The following CNTNAP2 variants were observed in gnomAD, a reference collection of about 807,000 sequenced individuals.
The protein encoded by CNTNAP2 is contactin-associated protein-like 2.
In CNTNAP2, 98 loss-of-function variants were observed where a neutral mutation model predicts 155.2. The observed-to-expected ratio is 0.63, with a 90% CI of 0.54 to 0.75. The LOEUF is 0.75. Among genes scored for constraint, CNTNAP2 ranks in the 30% least tolerant of loss-of-function variants. CNTNAP2 has a pLI of 0.00. For missense variants in CNTNAP2, 1,727 were observed against 1,688.1 expected (o/e 1.02, Z -0.40); for synonymous variants, 651 against 631.2 (o/e 1.03, Z -0.47).
At chr7:147,517,714 T>G (rs918857746) in intron 11 of CNTNAP2, among the ~76,000 whole-genome samples, 1 of 152,202 alleles carries the variant, frequency 6.6e-6, no homozygotes, top group Non-Finnish European at 1.5e-5. Context: ...TTGGTTGTTG[T>G]TTTTGTTCAA....
At chr7:147,354,797 C>T (rs1325827665) in intron 9 of CNTNAP2, among the ~76,000 whole-genome samples, 1 of 152,030 alleles carries the variant, frequency 6.6e-6, no homozygotes, top group Admixed American at 6.6e-5. Context: ...TTGTTTGTTT[C>T]CTCTCTTATT....
At chr7:148,023,415 A>G (rs1802319533) in intron 15 of CNTNAP2, among the ~76,000 whole-genome samples, 1 of 152,178 alleles carries the variant, frequency 6.6e-6, no homozygotes, top group African/African-American at 2.4e-5. Context: ...TTAAATATTC[A>G]TCTGTTGTTT....
At chr7:148,365,821 C>T (rs200571019) in intron 21 of CNTNAP2, among the ~76,000 whole-genome samples, 20,226 of 20,932 alleles carry the variant, frequency 0.97, 9,980 homozygotes, top group Middle Eastern at 1. Flanking sequence ...TGTATACATG[C>T]ATGTGTATGC....
chr7:146,768,676 T>G (rs1161210525), intron 1 of CNTNAP2, among the ~76,000 whole-genome samples: 5 of 152,182 alleles, frequency 3.3e-5, no homozygotes, highest in Non-Finnish European at 5.9e-5. Flanking sequence ...GAATTTTTCC[T>G]AATATAAAAG....
At chr7:147,396,161 A>C (rs1272417294) in intron 10 of CNTNAP2, among the ~76,000 whole-genome samples, 1 of 113,290 alleles carries the variant, frequency 8.8e-6, no homozygotes, top group African/African-American at 3.9e-5. Flanking sequence ...TATATATGAG[A>C]TATATCATAT....
intron 11 of CNTNAP2, among the ~76,000 whole-genome samples, chr7:147,491,291 C>G (rs1036715601): frequency 2.6e-5 from 4 of 152,018 alleles, no homozygotes; most frequent in African/African-American, 9.7e-5. Flanking sequence ...GCCCTGCACT[C>G]TCATACCCTT....
intron 3 of CNTNAP2, among the ~76,000 whole-genome samples, chr7:146,881,114 C>T (rs117284885): frequency 6.6e-6 from 1 of 152,088 alleles, no homozygotes; most frequent in East Asian, 1.9e-4. Flanking sequence ...TGAGCCAAGT[C>T]TGCATTCTTT....
intron 14 of CNTNAP2, among the ~76,000 whole-genome samples, chr7:147,952,337 G>A (rs1350032141): frequency 6.8e-6 from 1 of 146,518 alleles, no homozygotes; most frequent in Non-Finnish European, 1.5e-5. Context: ...AGCTACTCAG[G>A]AGGCTGAGGC....
At chr7:147,757,569 C>T (rs1178002828) in intron 13 of CNTNAP2, among the ~76,000 whole-genome samples, 1 of 152,238 alleles carries the variant, frequency 6.6e-6, no homozygotes. Flanking sequence ...AAATAAAAAA[C>T]TAATGCCTAC....
At chr7:148,227,989 T>C (rs781359549) in intron 19 of CNTNAP2, among the ~76,000 whole-genome samples, 3 of 151,078 alleles carry the variant, frequency 2.0e-5, no homozygotes, top group Admixed American at 6.6e-5. Context: ...CTTTGGGTGG[T>C]GGGATTTCAG....
chr7:148,310,740 A>G (rs973819225), intron 21 of CNTNAP2, among the ~76,000 whole-genome samples: 1 of 152,146 alleles, frequency 6.6e-6, no homozygotes, highest in African/African-American at 2.4e-5. Context: ...AAAACTGGAG[A>G]TGCAAAGTAA....
chr7:148,358,392 C>A (rs567845542), intron 21 of CNTNAP2, among the ~76,000 whole-genome samples: 57 of 152,234 alleles, frequency 3.7e-4, no homozygotes, highest in African/African-American at 1.4e-3. Flanking sequence ...AACTCTCAGA[C>A]TGGAAATGAG....
intron 13 of CNTNAP2, among the ~76,000 whole-genome samples, chr7:147,689,874 G>A (rs1303430767): frequency 2.6e-5 from 4 of 152,092 alleles, no homozygotes; most frequent in East Asian, 1.9e-4. Flanking sequence ...ATTTGACCCC[G>A]ATGACTTGTC....
chr7:148,083,366 C>T (rs1011899311), intron 15 of CNTNAP2, among the ~76,000 whole-genome samples: 3 of 152,154 alleles, frequency 2.0e-5, no homozygotes, highest in Admixed American at 6.5e-5. Flanking sequence ...TCTTCTGACT[C>T]CACTTCGGTT....
intron 18 of CNTNAP2, among the ~76,000 whole-genome samples, chr7:148,186,787 C>A (rs1010122506): frequency 3.3e-5 from 5 of 152,278 alleles, no homozygotes; most frequent in African/African-American, 1.2e-4. Flanking sequence ...ATTCCTTACT[C>A]TTCTGTTTCC....
chr7:146,956,324 T>A (rs1466739505), intron 3 of CNTNAP2, among the ~76,000 whole-genome samples: 1 of 152,118 alleles, frequency 6.6e-6, no homozygotes, highest in Non-Finnish European at 1.5e-5. Flanking sequence ...AAGGCCCTTT[T>A]TCAAAAAAGC....
chr7:147,256,543 G>A (rs542732610), intron 8 of CNTNAP2, among the ~76,000 whole-genome samples: 1 of 152,284 alleles, frequency 6.6e-6, no homozygotes, highest in South Asian at 2.1e-4. Context: ...CTTGAGTCAA[G>A]AGTGATAGCC....
At chr7:146,469,248 C>G (rs1389931737) in intron 1 of CNTNAP2, among the ~76,000 whole-genome samples, 1 of 152,036 alleles carries the variant, frequency 6.6e-6, no homozygotes, top group Non-Finnish European at 1.5e-5. Flanking sequence ...CTCCTTCTGA[C>G]CAATCCAGCT....
At chr7:147,495,487 C>T (rs1208510113) in intron 11 of CNTNAP2, among the ~76,000 whole-genome samples, 4 of 152,132 alleles carry the variant, frequency 2.6e-5, no homozygotes, top group Admixed American at 2.0e-4. Flanking sequence ...ATTAATAAAA[C>T]AAGAATAATA....
Sources: gnomAD v4.1 joint callset for allele counts (sites outside exome capture counted in the v4.1 genomes callset) on GRCh38, gnomAD v4.1.1 for gene constraint, MANE v1.5 for transcripts, NCBI Gene and HGNC (gene_info 2026-07-23, HGNC 2026-07-21) for gene names.